N4BP2L1: variants seen among roughly 807,000 people sequenced by gnomAD.
N4BP2L1 encodes NEDD4 binding protein 2 like 1, also known as NEDD4-binding protein 2-like 1.
A neutral mutation model predicts 21.2 loss-of-function variants in N4BP2L1; 12 were observed. The ratio of observed to expected loss-of-function variants is 0.57; its 90% CI spans 0.36 to 0.92. N4BP2L1 has a LOEUF of 0.92. N4BP2L1 is among the 40% of genes least tolerant of loss of function. N4BP2L1 has a pLI of 0.01. For synonymous variants in N4BP2L1, 104 were observed against 112.8 expected (o/e 0.92, Z 0.49); for missense variants, 259 against 310.6 (o/e 0.83, Z 1.25).
intron 3 of N4BP2L1, among the ~76,000 whole-genome samples, chr13:32,404,719 G>A (rs1001847482): frequency 5.3e-5 from 8 of 151,586 alleles, no homozygotes; most frequent in Admixed American, 3.3e-4. Context: ...ACTCAGTGAC[G>A]TCTCAAAGTC....
At position 32,402,811 on chromosome 13, in the gene N4BP2L1, C is replaced by T; in HGVS notation, c.*131G>A. 1 of 1,423,180 alleles carries T rather than the reference C, an allele frequency of 7.0e-7. No homozygotes were observed. The highest frequency in any genetic ancestry group is 9.2e-7 in the Non-Finnish European group (1 of 1,085,548). The allele number at this position is 1,423,180 out of a possible 1,614,324, so 88.2% of individuals were successfully genotyped here. A position where few individuals can be genotyped will look rare whatever the true frequency, so the allele number is the denominator to read the frequency against. On this transcript the variant is annotated 3_prime_UTR_variant, in exon 5 of 5. Transcript: ENST00000380130. ...TTGGTGAAGAAAGTGAATATAATGA[C>T]TTTGCTCAGAAACTTTTGAGTTCAG...
intron 1 of N4BP2L1, 134 bp downstream of exon 1, chr13:32,427,770 G>C (rs1593336532): frequency 5.0e-6 from 2 of 401,070 alleles, no homozygotes; most frequent in Non-Finnish European, 7.8e-6. Context: ...GCTGGGGCTG[G>C]GGCCGGGGCC....
chr13:32,401,952 A>G lies in N4BP2L1; in HGVS notation c.*990T>C. 1.0e-6 allele frequency: 1 copy of G among 985,496 alleles called. No individual in the cohort carries two copies. Among genetic ancestry groups the G allele is most frequent in the South Asian group, 4.7e-5 (1 of 21,284 alleles). 61.0% of individuals were successfully genotyped at this position (985,496 alleles called of 1,614,324 possible). On this transcript the variant is annotated 3_prime_UTR_variant, in exon 5 of 5. Transcript: ENST00000380130. ...AAATTCAGCATCAGTATAAGAAGAC[A>G]TTCCAGAGTTGTGAGGACTTGATTG... is the stretch of plus-strand genomic sequence containing the variant.
chr13:32,413,976 G>C (rs1246115646), intron 1 of N4BP2L1, among the ~76,000 whole-genome samples: 1 of 150,464 alleles, frequency 6.6e-6, no homozygotes, highest in African/African-American at 2.4e-5. Flanking sequence ...CCAGCTCCTG[G>C]GTTCAAGCGA....
At chr13:32,410,844 T>C (rs1399505438) in intron 1 of N4BP2L1, among the ~76,000 whole-genome samples, 4 of 152,226 alleles carry the variant, frequency 2.6e-5, no homozygotes, top group African/African-American at 9.6e-5. Context: ...CCAAGATTTT[T>C]TTTTTCTTTC....
chr13:32,421,544 C>A (rs1874256759), intron 1 of N4BP2L1, among the ~76,000 whole-genome samples: 2 of 152,154 alleles, frequency 1.3e-5, no homozygotes, highest in African/African-American at 4.8e-5. Flanking sequence ...AAATGTGTGA[C>A]TCTCCAATCC....
intron 2 of N4BP2L1, 137 bp downstream of exon 2, chr13:32,407,508 G>A (rs1041623227): frequency 1.3e-6 from 2 of 1,585,930 alleles, no homozygotes; most frequent in Non-Finnish European, 8.5e-7. Flanking sequence ...AGGAGGTTAT[G>A]CTCTGGTGTT....
At chr13:32,418,754 G>A (rs192272233) in intron 1 of N4BP2L1, among the ~76,000 whole-genome samples, 2 of 152,350 alleles carry the variant, frequency 1.3e-5, no homozygotes, top group East Asian at 3.9e-4. Flanking sequence ...ACCTGGATAT[G>A]AGACATGGAG....
chr13:32,421,061 C>T (rs1391144601), intron 1 of N4BP2L1, among the ~76,000 whole-genome samples: 1 of 152,170 alleles, frequency 6.6e-6, no homozygotes, highest in African/African-American at 2.4e-5. Flanking sequence ...ACTCAAGAGC[C>T]ATGCTGACAT....
chr13:32,403,104 C>A lies in N4BP2L1; in HGVS notation c.570G>T (p.Lys190Asn). The A allele has an allele frequency of 6.2e-7, 1 of 1,614,098 alleles. No individual in the cohort carries two copies. Among genetic ancestry groups the A allele is most frequent in the Non-Finnish European group, 8.5e-7 (1 of 1,180,024 alleles). ...VTFHSVLHAE[K>N]PSRMNRNQDR... is the part of the protein sequence containing the mutation. ...CCTGGTTTCTGTTCATTCTGCTTGG[C>A]TTTTCTGCATGAAGCACACTGTGAA... Residue 190 changes from lysine (K) to asparagine (N), a missense_variant, in exon 5 of 5, where the codon AAG becomes AAT. By Grantham distance (94) the Lys-to-Asn change is moderately conservative (BLOSUM62 0). Around this residue, in one of 3 missense-constraint regions of N4BP2L1, gnomAD observed 108 missense variants for 107.8 expected, o/e 1.00. Coordinates refer to ENST00000380130, the MANE Select transcript of N4BP2L1 (RefSeq NM_052818.3).
At chr13:32,404,116 T>A (rs2073322698) in intron 4 of N4BP2L1, 1 of 1,570,046 alleles carries the variant, frequency 6.4e-7, no homozygotes, top group African/African-American at 1.4e-5. Flanking sequence ...AAGCCAAGAT[T>A]TAGCATTTAG....
In N4BP2L1 at chr13:32,428,016, G is replaced by A. The variant is rs890547779; in HGVS notation, c.67C>T (p.Gln23Ter). 3.1e-5 allele frequency: 49 copies of A among 1,561,046 alleles called. No individual in the cohort carries two copies. Among genetic ancestry groups the A allele is most frequent in the Non-Finnish European group, 4.0e-5 (46 of 1,155,930 alleles). Residue 23 changes from glutamine to a stop codon, truncating the protein, a stop_gained, in exon 1 of 5, where the codon CAG (glutamine) becomes TAG (stop). Coordinates refer to ENST00000380130, the MANE Select transcript of N4BP2L1 (RefSeq NM_052818.3). LOFTEE classifies it high-confidence loss of function. ...SLQPQQQQQR[Q>*]RPPRPPPRGT... ...CGCGGGGGCGGCCGGGGCGGCCGCT[G>A]CCGCTGCTGCTGCTGCTGGGGCTGG...
chr13:32,407,897 T>C, intron 1 of N4BP2L1, 125 bp from the exon 2 acceptor site: 1 of 1,105,934 alleles, frequency 9.0e-7, no homozygotes, highest in Admixed American at 2.5e-5. Context: ...TTTGGAGTTG[T>C]TAAAATGCAG....
intron 1 of N4BP2L1, among the ~76,000 whole-genome samples, chr13:32,416,912 G>A (rs2074175255): frequency 6.6e-6 from 1 of 152,096 alleles, no homozygotes; most frequent in Non-Finnish European, 1.5e-5. Flanking sequence ...TGTCTCCTGG[G>A]TTCAAGCAAT....
intron 1 of N4BP2L1, among the ~76,000 whole-genome samples, chr13:32,413,719 A>G (rs1245618652): frequency 1.3e-5 from 2 of 152,172 alleles, no homozygotes; most frequent in East Asian, 1.9e-4. Flanking sequence ...AAAAAGTGCA[A>G]AAAAGGAGTG....
chr13:32,426,131 CCT>C (rs1236953977), intron 1 of N4BP2L1, among the ~76,000 whole-genome samples: 2 of 152,148 alleles, frequency 1.3e-5, no homozygotes, highest in Admixed American at 1.3e-4. Flanking sequence ...AATCCAAGCC[CCT>C]GATGTTCCAT....
chr13:32,400,763 A>T lies in N4BP2L1; in HGVS notation c.*2179T>A, dbSNP rs2073091104. ...GTGTTATTTATTCAGCAATCATTTA[A>T]TGAGACCCTATTGCCCATAAAGAGC... is the stretch of plus-strand genomic sequence containing the variant. On this transcript the variant is annotated 3_prime_UTR_variant, in exon 5 of 5. Coordinates refer to ENST00000380130, the MANE Select transcript of N4BP2L1 (RefSeq NM_052818.3). 1.3e-5 allele frequency: 2 copies of T among 152,216 alleles called. No individual in the cohort carries two copies. The highest frequency in any genetic ancestry group is 4.8e-5 in the African/African-American group (2 of 41,466). 9.4% of individuals were successfully genotyped at this position (152,216 alleles called of 1,614,324 possible). A position where few individuals can be genotyped will look rare whatever the true frequency, so the allele number is the denominator to read the frequency against.
intron 1 of N4BP2L1, among the ~76,000 whole-genome samples, chr13:32,416,863 C>T (rs1455306889): frequency 6.6e-6 from 1 of 152,038 alleles, no homozygotes; most frequent in East Asian, 1.9e-4. Context: ...GTCGCCCAGG[C>T]TGAAGTGCAA....
intron 1 of N4BP2L1, among the ~76,000 whole-genome samples, chr13:32,427,035 C>G (rs989533260): frequency 2.0e-4 from 31 of 152,218 alleles, no homozygotes; most frequent in Admixed American, 1.9e-3. Flanking sequence ...GTTGCTGGAA[C>G]ATCAAGCGCA....
Sources: allele counts gnomAD v4.1 joint callset (sites outside exome capture counted in the v4.1 genomes callset), GRCh38; gene constraint gnomAD v4.1.1; regional missense constraint gnomAD v4.1.1; transcripts MANE v1.5; gene names NCBI Gene and HGNC (gene_info 2026-07-23, HGNC 2026-07-21).